Variants in HTT observed in about 807,000 individuals in gnomAD.
HTT encodes the protein huntington disease protein.
Under a neutral mutation model 362.3 loss-of-function variants are expected in HTT, and 104 were observed. The ratio of observed to expected loss-of-function variants is 0.29; its 90% CI spans 0.24 to 0.34. HTT has a LOEUF of 0.34. HTT is among the 10% of genes least tolerant of loss of function. The pLI, the probability that HTT is intolerant of heterozygous loss-of-function variation, is 1.00. For synonymous variants in HTT, 1,577 were observed against 1,548.7 expected, an observed-to-expected ratio of 1.02 and a Z score of -0.43; for missense variants, 3,301 against 3,928.6, an observed-to-expected ratio of 0.84 and a Z score of 4.27.
chr4:3,229,805 C>T, intron 59 of HTT, 82 bp from the exon 60 acceptor site: 1 of 1,424,044 alleles, frequency 7.0e-7, no homozygotes, highest in Non-Finnish European at 9.9e-7. Context: ...ACACGACTTG[C>T]CAGTAGTAGC....
rs1237133763 is a variant in HTT at position 3,142,973 on chromosome 4, G to A, written c.3066+87G>A. 5.8e-6 allele frequency: 6 copies of A among 1,027,154 alleles called. No homozygotes were observed. The Admixed American group carries it at 1.2e-4, about 20-fold the overall frequency. 63.6% of individuals were successfully genotyped at this position (1,027,154 alleles called of 1,614,324 possible). On this transcript the variant is annotated intron_variant, in intron 23 of 66. Transcript: ENST00000355072. The stretch of plus-strand genomic sequence containing the variant: ...CAGTTAGTTGTATGGTCATCTTACG[G>A]TGAGGTGCTTGTCTTACAGCTCTTA...
chr4:3,145,902 G>A (rs1458662212), intron 24 of HTT, among the ~76,000 whole-genome samples: 3 of 152,184 alleles, frequency 2.0e-5, no homozygotes, highest in Non-Finnish European at 2.9e-5. Flanking sequence ...TACAGACTGA[G>A]CAGCTACGGT....
intron 34 of HTT, among the ~76,000 whole-genome samples, 175 bp from the exon 35 acceptor site, chr4:3,178,123 C>T (rs760608503): frequency 1.3e-5 from 2 of 152,170 alleles, no homozygotes; most frequent in East Asian, 1.9e-4. Context: ...CTGCTCTGCG[C>T]GAGGGCACAG....
At chr4:3,164,821 A>G (rs1048438036) in intron 29 of HTT, among the ~76,000 whole-genome samples, 1 of 152,084 alleles carries the variant, frequency 6.6e-6, no homozygotes, top group African/African-American at 2.4e-5. Context: ...GTGTCTTTGC[A>G]TGTGAGATGG....
intron 16 of HTT, 150 bp from the exon 17 acceptor site, chr4:3,132,412 A>G (rs900112866): frequency 7.2e-6 from 4 of 559,308 alleles, no homozygotes; most frequent in South Asian, 3.6e-5. Context: ...TTTTTTTTTA[A>G]TCACTTAGGG....
intron 12 of HTT, chr4:3,129,447 A>C (rs1042124142): frequency 1.9e-5 from 3 of 156,358 alleles, no homozygotes; most frequent in African/African-American, 7.2e-5. Context: ...TCAAGTGGAC[A>C]TGAAACATCT....
Position 3,225,701 on chromosome 4 carries a change from C to T in HTT, c.7806C>T (p.Asn2602=). The change falls in exon 57 of 67, where the codon AAC becomes AAT. Residue 2602 remains asparagine (N), a synonymous_variant. Transcript: ENST00000355072. ...ACGAGAAGCTGCTGCTACAGATCAA[C>T]CCCGAGCGGGAGCTGGGGAGCATGA... ...ISHEKLLLQI[N]PERELGSMSY... is the part of the protein sequence containing the mutation. 1 of 1,614,128 alleles carries T rather than the reference C, an allele frequency of 6.2e-7. No individual in the cohort carries two copies. Among genetic ancestry groups the T allele is most frequent in the East Asian group, 2.2e-5 (1 of 44,858 alleles).
intron 45 of HTT, among the ~76,000 whole-genome samples, chr4:3,207,990 A>ATC (rs1719952676): frequency 6.6e-6 from 1 of 152,176 alleles, no homozygotes; most frequent in African/African-American, 2.4e-5. Flanking sequence ...GCAGAGAAGG[A>ATC]GAATATAATT....
chr4:3,176,431 T>TGGGC (rs1718249113), intron 33 of HTT, among the ~76,000 whole-genome samples: 1 of 152,184 alleles, frequency 6.6e-6, no homozygotes. Flanking sequence ...TCCGTCTAAA[T>TGGGC]GGGCCATTGC....
chr4:3,240,815 T>TCA lies in HTT; in HGVS notation c.*757_*758insAC, dbSNP rs1478159179. 2 of 152,704 alleles carry TCA rather than the reference T, an allele frequency of 1.3e-5. No homozygotes were observed. The allele number at this position is 152,704 out of a possible 1,614,324, so 9.5% of individuals were successfully genotyped here. Reference sequence around the variant, plus strand: ...CCGCTGACATTTCCGTTGTACATGTTCCTGTTTATGCATTCACAAGGTGAC... The same window carrying TCA: ...CCGCTGACATTTCCGTTGTACATGTTCACCTGTTTATGCATTCACAAGGTGAC... On this transcript the variant is annotated 3_prime_UTR_variant, in exon 67 of 67. Transcript: ENST00000355072.
At chr4:3,172,258 T>C (rs1435344916) in intron 29 of HTT, 62 bp from the exon 30 acceptor site, 25 of 923,770 alleles carry the variant, frequency 2.7e-5, no homozygotes, top group Non-Finnish European at 4.0e-5. Flanking sequence ...AATTTCTGTC[T>C]AGGATTCGTA....
chr4:3,131,168 C>A, intron 14 of HTT, 118 bp from the exon 15 acceptor site: 1 of 743,120 alleles, frequency 1.3e-6, no homozygotes, highest in Non-Finnish European at 2.3e-6. Context: ...CAAACCAGGG[C>A]ATCTCTTTAT....
chr4:3,236,067 G>A, intron 63 of HTT, 82 bp from the exon 64 acceptor site: 2 of 1,001,256 alleles, frequency 2.0e-6, no homozygotes, highest in Non-Finnish European at 3.2e-6. Context: ...GGGACTCACT[G>A]GACCCCTGTG....
chr4:3,221,411 A>G (rs1337711461), intron 53 of HTT, among the ~76,000 whole-genome samples: 4 of 152,040 alleles, frequency 2.6e-5, no homozygotes, highest in South Asian at 2.1e-4. Context: ...TTGCTCTTGA[A>G]CTGCCCATCG....
intron 29 of HTT, among the ~76,000 whole-genome samples, chr4:3,167,645 T>G (rs1240291479): frequency 6.6e-6 from 1 of 152,174 alleles, no homozygotes; most frequent in Non-Finnish European, 1.5e-5. Flanking sequence ...AGTGAATGTA[T>G]CAAATGCTGC....
intron 40 of HTT, among the ~76,000 whole-genome samples, chr4:3,199,493 T>C (rs1719426728): frequency 6.6e-6 from 1 of 151,558 alleles, no homozygotes; most frequent in Non-Finnish European, 1.5e-5. Context: ...TGAGCCAAGA[T>C]TGCGCCACTG....
rs1560585527 is a variant in HTT at position 3,187,808 on chromosome 4, A to G, written c.5147A>G (p.Asp1716Gly). ...ISCTVINRLR[D>G]GDSTSTLEEH... Reference sequence around the variant, plus strand: ...TGTACAGTAATTAATAGGTTAAGAGATGGGGACAGTACTTCAACGCTAGAA... The same window carrying G: ...TGTACAGTAATTAATAGGTTAAGAGGTGGGGACAGTACTTCAACGCTAGAA... Residue 1716 changes from aspartate to glycine, a missense_variant, in exon 39 of 67, where the codon GAT (aspartate) becomes GGT (glycine). This residue lies in a region of HTT where 2,316 missense variants were observed against 2,658.5 expected (regional missense o/e 0.87). Transcript: ENST00000355072. The G allele has an allele frequency of 1.2e-6, 2 of 1,613,422 alleles. No homozygotes were observed. The highest frequency in any genetic ancestry group is 1.7e-6 in the Non-Finnish European group (2 of 1,179,358).
chr4:3,155,150 G>A lies in HTT; in HGVS notation c.3625+731G>A, dbSNP rs575448754. Reference sequence around the variant, plus strand: ...TCACGCTGTCTCTTGGCACCCAGGGGCCAGTGATGGTTCTCCCATTTGTTT... The same window carrying A: ...TCACGCTGTCTCTTGGCACCCAGGGACCAGTGATGGTTCTCCCATTTGTTT... On this transcript the variant is annotated intron_variant, in intron 27 of 66. Transcript: ENST00000355072. 2.6e-5 allele frequency among the ~76,000 whole-genome samples: 4 copies of A among 152,072 alleles called. No homozygotes were observed. The East Asian group carries it at 7.7e-4, about 29-fold the overall frequency.
Position 3,238,540 on chromosome 4 carries a change from C to G in HTT, c.8985C>G (p.Asn2995Lys). 6.2e-7 allele frequency: 1 copy of G among 1,613,568 alleles called. No individual in the cohort carries two copies. Among genetic ancestry groups the G allele is most frequent in the Non-Finnish European group, 8.5e-7 (1 of 1,179,732 alleles). Residue 2995 changes from asparagine to lysine, a missense_variant, in exon 65 of 67, where the codon AAC becomes AAG. Asn to Lys is a moderately conservative substitution (Grantham distance 94). Transcript: ENST00000355072. ...DDFFPPQDIM[N>K]KVIGEFLSNQ... ...TCTTCCCACCCCAGGACATCATGAA[C>G]AAAGTCATCGGAGAGTTTCTGTCCA...
Sources: gnomAD v4.1 joint callset for allele counts (sites outside exome capture counted in the v4.1 genomes callset) on GRCh38, gnomAD v4.1.1 for gene constraint, gnomAD v4.1.1 regional missense constraint, MANE v1.5 for transcripts, NCBI Gene and HGNC (gene_info 2026-07-23, HGNC 2026-07-21) for gene names.